AKT3: variants seen among roughly 807,000 people sequenced by gnomAD.
AKT3 encodes AKT serine/threonine kinase 3, also known as RAC-gamma serine/threonine-protein kinase.
A neutral mutation model predicts 65.3 loss-of-function variants in AKT3; 15 were observed. That is an observed-to-expected ratio of 0.23 (90% confidence interval 0.15 to 0.35). The LOEUF is 0.35. AKT3 is among the 10% of genes least tolerant of loss of function. The probability of loss-of-function intolerance (pLI) is 1.00; values close to 1 mark genes in which losing one functional copy is unlikely to be tolerated. For missense variants in AKT3, 243 were observed against 576.5 expected (o/e 0.42, Z 5.92); for synonymous variants, 206 against 183.8 (o/e 1.12, Z -0.98).
At chr1:243,574,155 G>A (rs1463916351) in intron 8 of AKT3, among the ~76,000 whole-genome samples, 1 of 152,068 alleles carries the variant, frequency 6.6e-6, no homozygotes, top group African/African-American at 2.4e-5. Flanking sequence ...CAAAATTGGT[G>A]AAAATTATGG....
At chr1:243,718,923 T>C (rs1221905587) in intron 2 of AKT3, among the ~76,000 whole-genome samples, 1 of 152,216 alleles carries the variant, frequency 6.6e-6, no homozygotes, top group Non-Finnish European at 1.5e-5. Context: ...CTGGATTTCA[T>C]ATATGCACAA....
chr1:243,731,175 G>A (rs1014922596), intron 2 of AKT3, among the ~76,000 whole-genome samples: 2 of 151,812 alleles, frequency 1.3e-5, no homozygotes, highest in Non-Finnish European at 2.9e-5. Context: ...ACTCTTATAT[G>A]TAAGTATCTA....
intron 6 of AKT3, among the ~76,000 whole-genome samples, chr1:243,627,624 C>T (rs1418413361): frequency 1.3e-5 from 2 of 152,174 alleles, no homozygotes; most frequent in East Asian, 3.8e-4. Flanking sequence ...ATAGTGGTGG[C>T]TCACAGGAAT....
intron 10 of AKT3, among the ~76,000 whole-genome samples, chr1:243,558,115 C>T (rs757958022): frequency 2.6e-5 from 4 of 152,012 alleles, no homozygotes; most frequent in Non-Finnish European, 4.4e-5. Context: ...CACAAAATGA[C>T]ATATTTTACA....
chr1:243,591,051 C>G (rs1676192319), intron 8 of AKT3, among the ~76,000 whole-genome samples: 1 of 152,134 alleles, frequency 6.6e-6, no homozygotes, highest in East Asian at 1.9e-4. Flanking sequence ...ATACTGAGTT[C>G]AGAGACTGGG....
intron 13 of AKT3, among the ~76,000 whole-genome samples, chr1:243,493,333 G>A (rs1389561174): frequency 6.6e-6 from 1 of 152,148 alleles, no homozygotes; most frequent in Non-Finnish European, 1.5e-5. Context: ...GAGCCTGGGG[G>A]CTCTAACATC....
chr1:243,637,513 A>T, intron 6 of AKT3, 98 bp downstream of exon 6: 1 of 1,057,734 alleles, frequency 9.5e-7, no homozygotes, highest in Non-Finnish European at 1.3e-6. Flanking sequence ...TTGGTTGTTT[A>T]ATGGAATTTG....
At chr1:243,587,913 A>G (rs1192492724) in intron 8 of AKT3, among the ~76,000 whole-genome samples, 9 of 152,148 alleles carry the variant, frequency 5.9e-5, no homozygotes. Context: ...GGCATATCTA[A>G]AACAGAAGAT....
At chr1:243,489,722 T>C (rs962456300) in intron 13 of AKT3, among the ~76,000 whole-genome samples, 1 of 152,184 alleles carries the variant, frequency 6.6e-6, no homozygotes, top group African/African-American at 2.4e-5. Context: ...ATTGTCTTCA[T>C]GGTTTAGATA....
chr1:243,803,246 CCAA>C (rs764744631), intron 2 of AKT3, among the ~76,000 whole-genome samples: 1 of 152,064 alleles, frequency 6.6e-6, no homozygotes, highest in East Asian at 1.9e-4. Context: ...TCAAATCCTC[CCAA>C]CAACATTAAA....
At chr1:243,712,582 G>A (rs1467489820) in intron 2 of AKT3, among the ~76,000 whole-genome samples, 18 of 151,066 alleles carry the variant, frequency 1.2e-4, no homozygotes, top group South Asian at 6.3e-4. Context: ...CACATTGGGC[G>A]GAAAAAAGAA....
chr1:243,638,839 C>T (rs1680167969), intron 5 of AKT3, among the ~76,000 whole-genome samples: 1 of 147,904 alleles, frequency 6.8e-6, no homozygotes, highest in South Asian at 2.1e-4. Context: ...AAAAAAAAAG[C>T]AAGTTAACCC....
At chr1:243,550,000 CT>C (rs1672935162) in intron 11 of AKT3, among the ~76,000 whole-genome samples, 1 of 152,176 alleles carries the variant, frequency 6.6e-6, no homozygotes, top group Non-Finnish European at 1.5e-5. Flanking sequence ...ATGCCATGTT[CT>C]TTTGCAATCC....
At chr1:243,783,787 G>A (rs1374228902) in intron 2 of AKT3, among the ~76,000 whole-genome samples, 1 of 152,024 alleles carries the variant, frequency 6.6e-6, no homozygotes, top group African/African-American at 2.4e-5. Context: ...CAGCAGAAAA[G>A]ATCAAACGAG....
At position 243,617,769 on chromosome 1, in the gene AKT3, C is replaced by A. The variant is rs115551815; in HGVS notation, c.562-2608G>T. ...AGAAGGATCAATTAGGAAAGCATTA[C>A]ATAACCCCAAGAGAGAAGTGAGGAT... On this transcript the variant is annotated intron_variant, in intron 6 of 13. Coordinates refer to ENST00000673466, the MANE Select transcript of AKT3 (RefSeq NM_005465.7). 5.1e-3 allele frequency among the ~76,000 whole-genome samples: 773 copies of A among 152,186 alleles called. 9 individuals are homozygous for A. The highest frequency in any genetic ancestry group is 0.018 in the African/African-American group (733 of 41,542).
At chr1:243,728,129 C>T (rs1441513982) in intron 2 of AKT3, among the ~76,000 whole-genome samples, 2 of 152,168 alleles carry the variant, frequency 1.3e-5, no homozygotes, top group Non-Finnish European at 2.9e-5. Context: ...CCCTGGCAAA[C>T]GGTTTGATTG....
chr1:243,684,710 C>T (rs1684162725), intron 3 of AKT3, among the ~76,000 whole-genome samples: 1 of 152,138 alleles, frequency 6.6e-6, no homozygotes, highest in African/African-American at 2.4e-5. Flanking sequence ...ATTTCTAGTT[C>T]TAGATCCTTG....
At chr1:243,576,707 G>A (rs919321623) in intron 8 of AKT3, among the ~76,000 whole-genome samples, 2 of 152,014 alleles carry the variant, frequency 1.3e-5, no homozygotes, top group Non-Finnish European at 1.5e-5. Flanking sequence ...TACAAACTAC[G>A]GCTCAAGGAA....
chr1:243,775,397 G>T (rs748221945), intron 2 of AKT3, among the ~76,000 whole-genome samples: 9 of 152,140 alleles, frequency 5.9e-5, no homozygotes, highest in Non-Finnish European at 1.0e-4. Flanking sequence ...AGCCAGGATG[G>T]TCTCAATCTC....
Sources: gnomAD v4.1 joint callset for allele counts (sites outside exome capture counted in the v4.1 genomes callset) on GRCh38, gnomAD v4.1.1 for gene constraint, MANE v1.5 for transcripts, NCBI Gene and HGNC (gene_info 2026-07-23, HGNC 2026-07-21) for gene names.